Variants in NFIB observed in about 807,000 individuals in gnomAD.
NFIB encodes the protein nuclear factor 1 B-type.
A neutral mutation model predicts 61.5 loss-of-function variants in NFIB; 11 were observed. The observed-to-expected ratio is 0.18, with a 90% confidence interval of 0.11 to 0.30. The LOEUF (loss-of-function observed/expected upper bound fraction) is 0.30. Among genes scored for constraint, NFIB ranks in the 10% least tolerant of loss-of-function variants. The pLI, the probability that NFIB is intolerant of heterozygous loss-of-function variation, is 1.00. For missense variants in NFIB, 471 were observed against 608.9 expected (o/e 0.77, Z 2.38); for synonymous variants, 260 against 216.5 (o/e 1.20, Z -1.76).
intron 2 of NFIB, among the ~76,000 whole-genome samples, chr9:14,246,687 C>G (rs2054968505): frequency 6.6e-6 from 1 of 152,176 alleles, no homozygotes; most frequent in Admixed American, 6.5e-5. Flanking sequence ...AGGAAACATC[C>G]TATGCCAAAC....
chr9:14,260,510 A>T (rs2056646561), intron 2 of NFIB, among the ~76,000 whole-genome samples: 2 of 152,206 alleles, frequency 1.3e-5, no homozygotes, highest in Admixed American at 1.3e-4. Flanking sequence ...GGATTGTCTA[A>T]CTTTTCCCTA....
the NFIB span, among the ~76,000 whole-genome samples, chr9:14,476,250 T>G: frequency 6.6e-6 from 1 of 151,224 alleles, no homozygotes; most frequent in African/African-American, 2.5e-5. Context: ...CTTTTTGTTT[T>G]TTTTTTTTTT....
the NFIB span, among the ~76,000 whole-genome samples, chr9:14,495,445 A>ATTTTTTTTTTTTTTTTTT: frequency 8.2e-5 from 8 of 98,076 alleles, no homozygotes; most frequent in East Asian, 6.0e-4. Flanking sequence ...AGAGAAATGA[A>ATTTTTTTTTTTTTTTTTT]CTTTTTTTTT....
At chr9:14,135,672 T>C (rs1340466680) in intron 6 of NFIB, among the ~76,000 whole-genome samples, 1 of 151,762 alleles carries the variant, frequency 6.6e-6, no homozygotes, top group East Asian at 1.9e-4. Flanking sequence ...AAGTATCTCC[T>C]TATATATATA....
chr9:14,506,117 T>C, the NFIB span, among the ~76,000 whole-genome samples: 2 of 152,232 alleles, frequency 1.3e-5, no homozygotes, highest in Non-Finnish European at 2.9e-5. Context: ...GTTTGTGGTA[T>C]TTATTAATAA....
intron 1 of NFIB, among the ~76,000 whole-genome samples, chr9:14,391,891 T>C (rs2061626982): frequency 6.6e-6 from 1 of 152,188 alleles, no homozygotes; most frequent in African/African-American, 2.4e-5. Flanking sequence ...TACTCACTTC[T>C]GCTCTAAGAC....
intron 2 of NFIB, among the ~76,000 whole-genome samples, chr9:14,195,484 G>T (rs2048374802): frequency 6.6e-6 from 1 of 152,202 alleles, no homozygotes. Flanking sequence ...CAAAGAAAAT[G>T]ATAAATTCTA....
At chr9:14,492,286 C>A in the NFIB span, among the ~76,000 whole-genome samples, 1 of 151,796 alleles carries the variant, frequency 6.6e-6, no homozygotes, top group Non-Finnish European at 1.5e-5. Flanking sequence ...TGGCATGAAC[C>A]GGGGAGGCGG....
intron 1 of NFIB, among the ~76,000 whole-genome samples, chr9:14,358,105 C>A (rs528861946): frequency 6.6e-6 from 1 of 152,002 alleles, no homozygotes; most frequent in South Asian, 2.1e-4. Flanking sequence ...TTGTTAAAAA[C>A]CATTGCATTT....
intron 2 of NFIB, among the ~76,000 whole-genome samples, chr9:14,253,169 G>A (rs1301382563): frequency 6.6e-6 from 1 of 152,174 alleles, no homozygotes; most frequent in Non-Finnish European, 1.5e-5. Context: ...TTCCCTGATG[G>A]TTACAGCTCA....
At chr9:14,475,693 A>T in the NFIB span, among the ~76,000 whole-genome samples, 1 of 152,126 alleles carries the variant, frequency 6.6e-6, no homozygotes, top group South Asian at 2.1e-4. Flanking sequence ...TATATGTTTC[A>T]GGACCTACCA....
chr9:14,364,343 T>C (rs2061275295), intron 1 of NFIB, among the ~76,000 whole-genome samples: 1 of 152,196 alleles, frequency 6.6e-6, no homozygotes, highest in African/African-American at 2.4e-5. Flanking sequence ...CAAAAGTCTC[T>C]CCCTTTCCTT....
chr9:14,401,355 G>A (rs963238511), upstream of NFIB, among the ~76,000 whole-genome samples: 1 of 152,154 alleles, frequency 6.6e-6, no homozygotes, highest in Non-Finnish European at 1.5e-5. Flanking sequence ...CTGGGTTTGT[G>A]AAATTTTGTC....
chr9:14,206,015 G>A (rs186485837), intron 2 of NFIB, among the ~76,000 whole-genome samples: 15 of 152,036 alleles, frequency 9.9e-5, no homozygotes, highest in South Asian at 6.2e-4. Context: ...ATGTTTCTGC[G>A]TAAAAGACAT....
At position 14,187,651 on chromosome 9, in the gene NFIB, C is replaced by A. The variant is rs144958901; in HGVS notation, c.563-7871G>T. On this transcript the variant is annotated intron_variant, in intron 2 of 10. Coordinates refer to ENST00000380953, the MANE Select transcript of NFIB (RefSeq NM_001190737.2). ...TTTAAAGAGCCACTTTTTTGCTTAACAAGGAGATTAGGTACAAAGAGTCAT... is the reference window on the plus strand; with the variant it reads ...TTTAAAGAGCCACTTTTTTGCTTAAAAAGGAGATTAGGTACAAAGAGTCAT... Among the ~76,000 whole-genome samples the A allele has an allele frequency of 2.2e-4, 34 of 152,028 alleles. No individual in the cohort carries two copies. In the East Asian group the frequency reaches 5.4e-3, roughly 24 times the overall value.
chr9:14,528,906 T>C, the NFIB span, among the ~76,000 whole-genome samples: 1 of 152,180 alleles, frequency 6.6e-6, no homozygotes, highest in Non-Finnish European at 1.5e-5. Context: ...TTCCAAGTGG[T>C]ATTTTTAAAT....
the NFIB span, among the ~76,000 whole-genome samples, chr9:14,525,087 G>A: frequency 2.6e-5 from 4 of 152,112 alleles, no homozygotes; most frequent in African/African-American, 4.8e-5. Context: ...GAATGGAATC[G>A]CATTTCCAAA....
intron 10 of NFIB, among the ~76,000 whole-genome samples, chr9:14,103,807 A>T (rs1361494326): frequency 6.6e-6 from 1 of 152,206 alleles, no homozygotes; most frequent in Non-Finnish European, 1.5e-5. Flanking sequence ...ACTGAAAAAA[A>T]TTCCCTGCAT....
Position 14,096,720 on chromosome 9 carries a change from A to G in NFIB, c.1468-8394T>C, listed in dbSNP as rs1289150249. Reference sequence around the variant, plus strand: ...GACCACAGCTACAGAAAAAACAAACAGCCTTCTTCACGCTTCGGCTCCCCT... The same window carrying G: ...GACCACAGCTACAGAAAAAACAAACGGCCTTCTTCACGCTTCGGCTCCCCT... On this transcript the variant is annotated intron_variant, in intron 10 of 10. Transcript: ENST00000380953. 4 of 152,318 alleles carry G rather than the reference A, an allele frequency of 2.6e-5. No homozygotes were observed. In the East Asian group the frequency reaches 7.7e-4, roughly 29 times the overall value. 9.4% of individuals were successfully genotyped at this position (152,318 alleles called of 1,614,324 possible). A position where few individuals can be genotyped will look rare whatever the true frequency, so the allele number is the denominator to read the frequency against.
Sources: allele counts gnomAD v4.1 joint callset (sites outside exome capture counted in the v4.1 genomes callset), GRCh38; gene constraint gnomAD v4.1.1; transcripts MANE v1.5; gene names NCBI Gene and HGNC (gene_info 2026-07-23, HGNC 2026-07-21).